The following ANTXRL variants were observed in gnomAD, a reference collection of about 807,000 sequenced individuals.
ANTXRL encodes the protein ANTXR like.
A neutral mutation model predicts 75.4 loss-of-function variants in ANTXRL; 63 were observed. The observed-to-expected ratio is 0.84, with a 90% CI of 0.68 to 1.03. The LOEUF is 1.03. Ranked by LOEUF, ANTXRL falls within the 50% of genes least tolerant of loss-of-function variation. The pLI is 0.00. For synonymous variants in ANTXRL, 335 were observed against 291.3 expected (o/e 1.15, Z -1.53); for missense variants, 797 against 789.4 (o/e 1.01, Z -0.12).
intron 1 of ANTXRL, among the ~76,000 whole-genome samples, chr10:46,289,969 C>A (rs79787531): frequency 0.033 from 4,959 of 151,592 alleles, 174 homozygotes; most frequent in East Asian, 0.12. Context: ...CCCATGTTGT[C>A]GCATCCATCA....
At chr10:46,310,056 C>T (rs868932557) in intron 13 of ANTXRL, among the ~76,000 whole-genome samples, 31 of 152,228 alleles carry the variant, frequency 2.0e-4, no homozygotes, top group South Asian at 1.0e-3. Context: ...GGAGGAAGCC[C>T]GGGACTCAGC....
intron 3 of ANTXRL, among the ~76,000 whole-genome samples, chr10:46,294,498 C>T (rs376949998): frequency 2.0e-5 from 3 of 152,054 alleles, no homozygotes; most frequent in African/African-American, 4.8e-5. Context: ...CCTGTTTGGC[C>T]GGAGGTGAGG....
chr10:46,304,714 G>A (rs1441002804), intron 10 of ANTXRL, among the ~76,000 whole-genome samples: 11 of 152,284 alleles, frequency 7.2e-5, no homozygotes, highest in Admixed American at 2.0e-4. Flanking sequence ...TGGATGGAGA[G>A]CTAGAGAGAA....
intron 3 of ANTXRL, among the ~76,000 whole-genome samples, chr10:46,294,502 G>A (rs1273612731): frequency 6.6e-6 from 1 of 152,140 alleles, no homozygotes; most frequent in Non-Finnish European, 1.5e-5. Context: ...TTTGGCCGGA[G>A]GTGAGGGCAC....
In ANTXRL at chr10:46,326,809, C is replaced by A. The variant is rs10906948; in HGVS notation, c.1411-2790C>A. Among the ~76,000 whole-genome samples the A allele has an allele frequency of 3.2e-4, 48 of 151,940 alleles. 1 individual carries two copies. The South Asian group carries it at 9.8e-3, about 31-fold the overall frequency. On this transcript the variant is annotated intron_variant, in intron 16 of 16. Transcript: ENST00000620264. ...TGAACCTTCTTGAGCCCCAAGGAAA[C>A]GTGGAGAAAACATCCGTGTTCCTCC...
intron 16 of ANTXRL, among the ~76,000 whole-genome samples, chr10:46,329,242 C>A (rs1230134391): frequency 5.3e-5 from 8 of 152,178 alleles, no homozygotes; most frequent in African/African-American, 1.9e-4. Context: ...GAGCACTCAT[C>A]CCTTCCACAT....
intron 1 of ANTXRL, among the ~76,000 whole-genome samples, chr10:46,288,442 G>A (rs1290099964): frequency 6.6e-6 from 1 of 152,052 alleles, no homozygotes; most frequent in Non-Finnish European, 1.5e-5. Flanking sequence ...TTCCAGCATC[G>A]CAGGTTGAAA....
intron 9 of ANTXRL, among the ~76,000 whole-genome samples, chr10:46,300,056 G>A (rs185004939): frequency 4.1e-4 from 63 of 152,292 alleles, no homozygotes; most frequent in East Asian, 3.9e-4. Context: ...AGCCTGTGGC[G>A]TCTGAGCAGC....
At chr10:46,319,004 T>G (rs549091667) in intron 16 of ANTXRL, among the ~76,000 whole-genome samples, 1 of 152,212 alleles carries the variant, frequency 6.6e-6, no homozygotes, top group African/African-American at 2.4e-5. Flanking sequence ...ATTTCAACAG[T>G]TGGCTGCTGT....
chr10:46,304,454 G>A (rs1217053972), intron 10 of ANTXRL, among the ~76,000 whole-genome samples: 1 of 152,082 alleles, frequency 6.6e-6, no homozygotes. Context: ...AGTTACAAGG[G>A]TGACACTAGT....
intron 16 of ANTXRL, among the ~76,000 whole-genome samples, chr10:46,317,901 A>G (rs1426339707): frequency 6.6e-6 from 1 of 152,150 alleles, no homozygotes; most frequent in South Asian, 2.1e-4. Flanking sequence ...ATCTGCAATC[A>G]GTAGAGAGGC....
chr10:46,301,260 C>T (rs1252873507), intron 9 of ANTXRL, among the ~76,000 whole-genome samples: 1 of 152,226 alleles, frequency 6.6e-6, no homozygotes. Flanking sequence ...CTGGCAGCAT[C>T]AGATTTGGAA....
At chr10:46,295,356 G>T (rs1436604216) in intron 3 of ANTXRL, among the ~76,000 whole-genome samples, 2 of 152,166 alleles carry the variant, frequency 1.3e-5, no homozygotes. Context: ...CCTTGTTAGG[G>T]TTAGAATTTG....
intron 16 of ANTXRL, among the ~76,000 whole-genome samples, chr10:46,327,008 C>T (rs1216849857): frequency 6.6e-6 from 1 of 152,112 alleles, no homozygotes; most frequent in African/African-American, 2.4e-5. Context: ...GAAAGAGATT[C>T]AGCTCTAGTG....
intron 1 of ANTXRL, among the ~76,000 whole-genome samples, chr10:46,289,133 C>T (rs576995189): frequency 2.4e-4 from 37 of 152,254 alleles, no homozygotes; most frequent in African/African-American, 8.4e-4. Flanking sequence ...TGCAGGCAGG[C>T]TCTTTGGTCA....
chr10:46,306,838 A>G lies in ANTXRL; in HGVS notation c.931A>G (p.Asn311Asp). The G allele has an allele frequency of 1.3e-6, 2 of 1,530,678 alleles. No individual in the cohort carries two copies. The highest frequency in any genetic ancestry group is 1.7e-6 in the Non-Finnish European group (2 of 1,144,760). 94.8% of individuals were successfully genotyped at this position (1,530,678 alleles called of 1,614,324 possible). Reference sequence around the variant, plus strand: ...AACCAGTATCGACAATAATTCCATGAATTGCCCTGGGCCAAAACTAGAAAA... The same window carrying G: ...AACCAGTATCGACAATAATTCCATGGATTGCCCTGGGCCAAAACTAGAAAA... ...KPTSIDNNSM[N>D]CPGPKLEKPG... The change falls in exon 11 of 17, where the codon AAT becomes GAT. Residue 311 changes from asparagine to aspartate, a missense_variant. This residue lies in a region of ANTXRL where 479 missense variants were observed against 422.0 expected (regional missense o/e 1.14). Coordinates refer to ENST00000620264, the MANE Select transcript of ANTXRL (RefSeq NM_001278688.3).
intron 9 of ANTXRL, among the ~76,000 whole-genome samples, chr10:46,302,391 C>T (rs548360009): frequency 1.3e-5 from 2 of 152,236 alleles, no homozygotes; most frequent in African/African-American, 2.4e-5. Context: ...CACCTGGGGC[C>T]GAGGGAGCAC....
In ANTXRL at chr10:46,308,501, G is replaced by A. The variant is rs1170895662; in HGVS notation, c.1045-612G>A. 6 of 448,916 alleles carry A rather than the reference G, an allele frequency of 1.3e-5. No homozygotes were observed. In the Admixed American group the frequency reaches 1.4e-4, roughly 11 times the overall value. 27.8% of individuals were successfully genotyped at this position (448,916 alleles called of 1,614,324 possible). A position where few individuals can be genotyped will look rare whatever the true frequency, so the allele number is the denominator to read the frequency against. On this transcript the variant is annotated intron_variant, in intron 12 of 16. Transcript: ENST00000620264. ...TCTGGACATGAGGAAGGCCTGAGCA[G>A]CCTGCCTTCCCACGGATGCCGCCCA...
intron 16 of ANTXRL, among the ~76,000 whole-genome samples, chr10:46,314,107 G>A (rs1428877570): frequency 6.6e-6 from 1 of 152,188 alleles, no homozygotes; most frequent in Non-Finnish European, 1.5e-5. Context: ...CAGACCTCCT[G>A]CATCAGGCCA....
Sources: gnomAD v4.1 joint callset for allele counts (sites outside exome capture counted in the v4.1 genomes callset) on GRCh38, gnomAD v4.1.1 for gene constraint, gnomAD v4.1.1 regional missense constraint, MANE v1.5 for transcripts, NCBI Gene and HGNC (gene_info 2026-07-23, HGNC 2026-07-21) for gene names.